FMR1NB: variants seen among roughly 807,000 people sequenced by gnomAD.
FMR1NB encodes FMR1 neighbor.
A neutral mutation model predicts 16.8 loss-of-function variants in FMR1NB; 10 were observed. The ratio of observed to expected loss-of-function variants is 0.60; its 90% CI spans 0.37 to 1.01. The LOEUF is 1.01. Ranked by LOEUF, FMR1NB falls within the 50% of genes least tolerant of loss-of-function variation. FMR1NB has a pLI of 0.01. For synonymous variants in FMR1NB, 83 were observed against 79.1 expected (o/e 1.05, Z -0.26); for missense variants, 205 against 204.8 (o/e 1.00, Z 0.00).
intron 4 of FMR1NB, among the ~76,000 whole-genome samples, chrX:148,022,339 C>T (rs900965483): frequency 2.7e-5 from 3 of 111,733 alleles, no homozygotes; most frequent in Non-Finnish European, 5.6e-5. Context: ...CTGCCTTCTA[C>T]CAACCTCTGA....
intron 1 of FMR1NB, among the ~76,000 whole-genome samples, chrX:147,992,226 T>C (rs1249607554): frequency 9.9e-6 from 1 of 101,116 alleles, no homozygotes; most frequent in African/African-American, 3.8e-5. Flanking sequence ...CACTTCCCAG[T>C]AGGGGTGGCT....
chrX:147,996,267 A>T (rs1372154369), intron 1 of FMR1NB, among the ~76,000 whole-genome samples: 1 of 112,120 alleles, frequency 8.9e-6, no homozygotes, highest in Non-Finnish European at 1.9e-5. Flanking sequence ...ACTGTTTTGC[A>T]TTGTATTAAG....
chrX:148,006,364 T>A (rs1437711609), intron 2 of FMR1NB, among the ~76,000 whole-genome samples: 12 of 111,959 alleles, frequency 1.1e-4, no homozygotes, highest in African/African-American at 3.6e-4. Flanking sequence ...AACAAGGGAT[T>A]AGTTTTAAAA....
chrX:147,982,635 T>A (rs1216723506), intron 1 of FMR1NB, among the ~76,000 whole-genome samples: 1 of 97,602 alleles, frequency 1.0e-5, no homozygotes, highest in Non-Finnish European at 2.0e-5. Context: ...GGGTCATGCC[T>A]GTAATCCCAG....
chrX:148,015,692 G>A (rs150723477), intron 4 of FMR1NB, among the ~76,000 whole-genome samples: 53 of 111,928 alleles, frequency 4.7e-4, no homozygotes, highest in African/African-American at 1.2e-3. Context: ...GCTTGTTATC[G>A]TTTTAATTTT....
At chrX:147,994,750 C>T (rs1046886274) in intron 1 of FMR1NB, among the ~76,000 whole-genome samples, 5 of 112,086 alleles carry the variant, frequency 4.5e-5, no homozygotes, top group Non-Finnish European at 9.4e-5. Flanking sequence ...ATGTTTTCTC[C>T]TAAAATAATC....
In FMR1NB at chrX:148,005,842, C is replaced by T. The variant is rs185336066; in HGVS notation, c.398-860C>T. Reference sequence around the variant, plus strand: ...GGTTAAAATTTGCATAAAACAATTACGTTGTTCTTTGCTGATGTTGAAGTG... The same window carrying T: ...GGTTAAAATTTGCATAAAACAATTATGTTGTTCTTTGCTGATGTTGAAGTG... On this transcript the variant is annotated intron_variant, in intron 2 of 5. Coordinates refer to ENST00000370467, the MANE Select transcript of FMR1NB (RefSeq NM_152578.3). Among the ~76,000 whole-genome samples the T allele has an allele frequency of 6.7e-3, 755 of 111,881 alleles. 3 individuals are homozygous for T. Among genetic ancestry groups the T allele is most frequent in the Non-Finnish European group, 9.7e-3 (517 of 53,231 alleles).
Position 148,015,260 on chromosome X carries a change from C to A in FMR1NB, c.632+6549C>A, listed in dbSNP as rs143668218. Among the ~76,000 whole-genome samples, 165 of 110,941 alleles carry A rather than the reference C, an allele frequency of 1.5e-3. 1 individual carries two copies. Among genetic ancestry groups the A allele is most frequent in the African/African-American group, 5.4e-3 (165 of 30,601 alleles). On this transcript the variant is annotated intron_variant, in intron 4 of 5. Coordinates refer to ENST00000370467, the MANE Select transcript of FMR1NB (RefSeq NM_152578.3). ...AGGTTTGTGAATTTTATTTATCTTT[C>A]TTAAAAAAACAACTTTTTGTTTCAT...
chrX:148,000,135 A>G (rs1445833400), intron 1 of FMR1NB, among the ~76,000 whole-genome samples: 3 of 111,741 alleles, frequency 2.7e-5, no homozygotes, highest in Admixed American at 9.5e-5. Flanking sequence ...CATTGATATA[A>G]AGGAGATTTA....
At chrX:148,018,257 T>C (rs1221142769) in intron 4 of FMR1NB, among the ~76,000 whole-genome samples, 7 of 111,923 alleles carry the variant, frequency 6.3e-5, no homozygotes, top group South Asian at 3.7e-4. Context: ...GGGTATCTCA[T>C]TGTGGTTTTG....
rs782475180 is a variant in FMR1NB at position 147,982,512 on chromosome X, C to T, written c.277+833C>T. ...GCTGAGGCAGGAGAATTGCTTGAAC[C>T]CGGGAGGCGGAGGTTGCAGTGAGCT... On this transcript the variant is annotated intron_variant, in intron 1 of 5. Coordinates refer to ENST00000370467, the MANE Select transcript of FMR1NB (RefSeq NM_152578.3). Among the ~76,000 whole-genome samples, 4 of 101,845 alleles carry T rather than the reference C, an allele frequency of 3.9e-5. No individual in the cohort carries two copies. In the South Asian group the frequency reaches 1.9e-3, roughly 49 times the overall value. 88.4% of individuals were successfully genotyped at this position (101,845 alleles called of 115,157 possible).
intron 4 of FMR1NB, among the ~76,000 whole-genome samples, chrX:148,010,101 AT>A (rs199528103): frequency 1.8e-5 from 2 of 110,140 alleles, no homozygotes; most frequent in South Asian, 3.8e-4. Context: ...GGTCCCCTGG[AT>A]TTTTTTTTCT....
At chrX:148,006,412 T>C (rs1208239633) in intron 2 of FMR1NB, among the ~76,000 whole-genome samples, 4 of 112,190 alleles carry the variant, frequency 3.6e-5, no homozygotes, top group South Asian at 3.7e-4. Flanking sequence ...TTCTGTGTTA[T>C]ATTTGCATCA....
At chrX:148,014,744 C>T (rs782746547) in intron 4 of FMR1NB, among the ~76,000 whole-genome samples, 188 of 110,139 alleles carry the variant, frequency 1.7e-3, no homozygotes, top group South Asian at 3.5e-3. Flanking sequence ...TCCCGGGCTC[C>T]GGCAATCCTC....
At chrX:147,999,646 C>T (rs190923472) in intron 1 of FMR1NB, among the ~76,000 whole-genome samples, 39 of 111,084 alleles carry the variant, frequency 3.5e-4, no homozygotes, top group Admixed American at 2.9e-3. Context: ...GCACTCATTA[C>T]AATTTGTAAT....
At chrX:148,021,781 CCTCCAGCTTTTTCTCCG>C (rs144283137) in intron 4 of FMR1NB, among the ~76,000 whole-genome samples, 15,805 of 110,338 alleles carry the variant, frequency 0.14, 1,468 homozygotes, top group African/African-American at 0.33. Context: ...GGTTCCTTGT[CCTCCAGCTTTTTCTCCG>C]CTTCATTTTT....
chrX:148,009,808 C>T (rs1557189467), intron 4 of FMR1NB, among the ~76,000 whole-genome samples: 1 of 111,865 alleles, frequency 8.9e-6, no homozygotes, highest in Non-Finnish European at 1.9e-5. Flanking sequence ...GTTTAGATTT[C>T]GCAAGAAGAG....
intron 4 of FMR1NB, among the ~76,000 whole-genome samples, chrX:148,021,037 C>G (rs782492147): frequency 8.0e-5 from 9 of 112,123 alleles, no homozygotes; most frequent in African/African-American, 2.9e-4. Flanking sequence ...TTTTGGCCCA[C>G]AGTGGCAAGG....
intron 1 of FMR1NB, among the ~76,000 whole-genome samples, chrX:147,995,924 G>C (rs1019534868): frequency 8.9e-6 from 1 of 111,937 alleles, no homozygotes; most frequent in African/African-American, 3.2e-5. Flanking sequence ...CTAACTTGCT[G>C]TGTGACCATT....
Sources: gnomAD v4.1 joint callset for allele counts (sites outside exome capture counted in the v4.1 genomes callset) on GRCh38, gnomAD v4.1.1 for gene constraint, MANE v1.5 for transcripts, NCBI Gene and HGNC (gene_info 2026-07-23, HGNC 2026-07-21) for gene names.